PPARGC1A: variants seen among roughly 807,000 people sequenced by gnomAD.
The protein encoded by PPARGC1A is peroxisome proliferator-activated receptor gamma coactivator 1-alpha.
Under a neutral mutation model 88.7 loss-of-function variants are expected in PPARGC1A, and 25 were observed. The ratio of observed to expected loss-of-function variants is 0.28; its 90% CI spans 0.21 to 0.39. The LOEUF (loss-of-function observed/expected upper bound fraction) is 0.39, where lower values mean the gene tolerates loss of function less well. PPARGC1A is among the 10% of genes least tolerant of loss of function. The pLI is 1.00. For synonymous variants in PPARGC1A, 363 were observed against 355.6 expected (o/e 1.02, Z -0.24); for missense variants, 880 against 968.7 (o/e 0.91, Z 1.22).
At chr4:24,116,502 G>A in the PPARGC1A span, among the ~76,000 whole-genome samples, 1 of 152,086 alleles carries the variant, frequency 6.6e-6, no homozygotes, top group African/African-American at 2.4e-5. Flanking sequence ...TGAAGAATAT[G>A]GAAAAAACAT....
chr4:24,198,136 T>A, the PPARGC1A span, among the ~76,000 whole-genome samples: 1 of 152,224 alleles, frequency 6.6e-6, no homozygotes, highest in East Asian at 1.9e-4. Flanking sequence ...TCTAAGCATG[T>A]AAGCAAATCA....
the PPARGC1A span, among the ~76,000 whole-genome samples, chr4:23,975,259 G>T: frequency 6.6e-6 from 1 of 152,144 alleles, no homozygotes; most frequent in African/African-American, 2.4e-5. Flanking sequence ...ATTATCTGTT[G>T]TAACAATAAT....
At chr4:24,335,658 G>A in the PPARGC1A span, among the ~76,000 whole-genome samples, 1,913 of 152,134 alleles carry the variant, frequency 0.013, 25 homozygotes, top group Middle Eastern at 0.024. Flanking sequence ...AACTATAAGC[G>A]CGAGGGTACG....
At chr4:24,074,210 C>T in the PPARGC1A span, among the ~76,000 whole-genome samples, 1 of 152,174 alleles carries the variant, frequency 6.6e-6, no homozygotes, top group African/African-American at 2.4e-5. Context: ...AGAGAAGATA[C>T]TGCCTCCTAC....
At chr4:23,819,614 C>G (rs1032402769) in intron 7 of PPARGC1A, among the ~76,000 whole-genome samples, 2 of 151,932 alleles carry the variant, frequency 1.3e-5, no homozygotes, top group African/African-American at 2.4e-5. Flanking sequence ...CCTTGGCTTA[C>G]AAGAAATAGG....
the PPARGC1A span, among the ~76,000 whole-genome samples, chr4:24,148,704 T>C: frequency 6.6e-6 from 1 of 152,210 alleles, no homozygotes; most frequent in Non-Finnish European, 1.5e-5. Context: ...CCTACGTGTC[T>C]GTGATGAATC....
At chr4:24,471,996 C>A in the PPARGC1A span, among the ~76,000 whole-genome samples, 3 of 152,314 alleles carry the variant, frequency 2.0e-5, no homozygotes, top group African/African-American at 7.2e-5. This position sits in a 1 kb window ranked among gnomAD's most constrained non-coding sequence, Gnocchi z 5.4. Flanking sequence ...AGGCGCCGGG[C>A]GCACAGGGGC....
chr4:24,350,242 T>A, the PPARGC1A span, among the ~76,000 whole-genome samples: 1 of 152,200 alleles, frequency 6.6e-6, no homozygotes, highest in African/African-American at 2.4e-5. Context: ...AGAGCTCAGG[T>A]GATCTGTCCG....
chr4:23,893,625 T>C (rs1413676751), upstream of PPARGC1A, among the ~76,000 whole-genome samples: 1 of 152,136 alleles, frequency 6.6e-6, no homozygotes, highest in Non-Finnish European at 1.5e-5. Context: ...AATTGACAGT[T>C]TATCATTACT....
the PPARGC1A span, among the ~76,000 whole-genome samples, chr4:24,297,051 G>A: frequency 1.3e-5 from 2 of 152,082 alleles, no homozygotes; most frequent in Non-Finnish European, 2.9e-5. Context: ...AAGAAGACAA[G>A]ACAAATGCAT....
the PPARGC1A span, among the ~76,000 whole-genome samples, chr4:24,367,434 G>A: frequency 3.9e-5 from 6 of 152,100 alleles, no homozygotes; most frequent in Admixed American, 1.3e-4. Flanking sequence ...TAAGTATAAC[G>A]GGCTCACATA....
chr4:24,076,398 C>T, the PPARGC1A span, among the ~76,000 whole-genome samples: 9 of 152,264 alleles, frequency 5.9e-5, no homozygotes, highest in African/African-American at 2.2e-4. Flanking sequence ...TCTGCCTATT[C>T]TTAGCATATT....
At chr4:23,831,793 G>A (rs368184525) in intron 2 of PPARGC1A, 42 bp from the exon 3 acceptor site, 24 of 1,519,242 alleles carry the variant, frequency 1.6e-5, no homozygotes, top group Non-Finnish European at 2.1e-5. Context: ...GTTGACCCTG[G>A]GAGGCAGGTA....
At chr4:24,240,422 A>C in the PPARGC1A span, among the ~76,000 whole-genome samples, 1 of 152,220 alleles carries the variant, frequency 6.6e-6, no homozygotes, top group African/African-American at 2.4e-5. Flanking sequence ...GCCATGTTTC[A>C]TGGGACTCCC....
the PPARGC1A span, among the ~76,000 whole-genome samples, chr4:24,071,447 C>T: frequency 6.6e-6 from 1 of 152,052 alleles, no homozygotes. Context: ...AAATATTATG[C>T]CATTCCTTTT....
the PPARGC1A span, among the ~76,000 whole-genome samples, chr4:23,912,464 A>G: frequency 6.6e-6 from 1 of 152,146 alleles, no homozygotes; most frequent in East Asian, 1.9e-4. Context: ...ATGGTGCTCA[A>G]TTGTCTAATA....
chr4:24,399,397 T>C, the PPARGC1A span, among the ~76,000 whole-genome samples: 8 of 152,228 alleles, frequency 5.3e-5, no homozygotes, highest in African/African-American at 1.9e-4. Context: ...AACCTATCCC[T>C]ACACAATGGG....
At chr4:24,370,709 ATTC>A in the PPARGC1A span, among the ~76,000 whole-genome samples, 2 of 125,868 alleles carry the variant, frequency 1.6e-5, no homozygotes, top group Non-Finnish European at 3.2e-5. Context: ...ATCCCACTCC[ATTC>A]TCTTCTCATC....
At chr4:24,450,572 T>G in the PPARGC1A span, among the ~76,000 whole-genome samples, 1 of 152,172 alleles carries the variant, frequency 6.6e-6, no homozygotes, top group South Asian at 2.1e-4. Flanking sequence ...GTTTCAAAGA[T>G]CCTTCTCTTC....
Sources: gnomAD v4.1 joint callset for allele counts (sites outside exome capture counted in the v4.1 genomes callset) on GRCh38, gnomAD v4.1.1 for gene constraint, Gnocchi (gnomAD v3.1) non-coding constraint, MANE v1.5 for transcripts, NCBI Gene and HGNC (gene_info 2026-07-23, HGNC 2026-07-21) for gene names.